The following ADGRL2 variants were observed in gnomAD, a reference collection of about 807,000 sequenced individuals.
ADGRL2 encodes calcium-independent alpha-latrotoxin receptor 2.
ADGRL2 carries 44 observed loss-of-function variants against 157.4 expected under a neutral mutation model. The ratio of observed to expected loss-of-function variants is 0.28; its 90% CI spans 0.22 to 0.36. ADGRL2 has a LOEUF of 0.36. Ranked by LOEUF, ADGRL2 falls within the 10% of genes least tolerant of loss-of-function variation. The probability of loss-of-function intolerance (pLI) is 1.00; values close to 1 mark genes in which losing one functional copy is unlikely to be tolerated. For missense variants in ADGRL2, 1,510 were observed against 1,768.9 expected, an observed-to-expected ratio of 0.85 and a Z score of 2.63; for synonymous variants, 585 against 624.7, an observed-to-expected ratio of 0.94 and a Z score of 0.95.
At position 81,984,515 on chromosome 1, in the gene ADGRL2, C is replaced by G. The variant is rs551706001; in HGVS notation, c.3283-68C>G. ...ATTCTTTTCGGTTGTCTTCACTGTT[C>G]ATTTAATTAGAGAGAGAGAAGCAAG... On this transcript the variant is annotated intron_variant, in intron 19 of 23. Transcript: ENST00000686636. 110 of 1,388,414 alleles carry G rather than the reference C, an allele frequency of 7.9e-5. No homozygotes were observed. In the Middle Eastern group the frequency reaches 9.8e-4, roughly 12 times the overall value. 86.0% of individuals were successfully genotyped at this position (1,388,414 alleles called of 1,614,324 possible).
intron 3 of ADGRL2, among the ~76,000 whole-genome samples, chr1:81,631,876 T>C (rs1291837399): frequency 6.6e-6 from 1 of 152,156 alleles, no homozygotes; most frequent in Non-Finnish European, 1.5e-5. Flanking sequence ...CTGCTAAATT[T>C]GGAACGTTTT....
intron 2 of ADGRL2, among the ~76,000 whole-genome samples, chr1:81,486,290 C>T (rs1016854227): frequency 6.6e-6 from 1 of 152,116 alleles, no homozygotes; most frequent in African/African-American, 2.4e-5. Context: ...ACTATAAGCT[C>T]CTCAAGGTCA....
intron 2 of ADGRL2, among the ~76,000 whole-genome samples, chr1:81,858,216 G>A (rs2093271847): frequency 6.6e-6 from 1 of 152,040 alleles, no homozygotes; most frequent in African/African-American, 2.4e-5. Context: ...TTAGATTAAG[G>A]CTTCATACAT....
At chr1:81,971,956 T>G in intron 17 of ADGRL2, 38 bp downstream of exon 17, 1 of 1,403,932 alleles carries the variant, frequency 7.1e-7, no homozygotes, top group South Asian at 1.2e-5. Context: ...TTTAGCTTGC[T>G]GCTTTAGCAG....
chr1:81,870,927 A>C (rs756636993), intron 2 of ADGRL2, among the ~76,000 whole-genome samples: 1 of 141,726 alleles, frequency 7.1e-6, no homozygotes, highest in African/African-American at 2.6e-5. Context: ...TTTTTTGAAG[A>C]TTTTTTTTTT....
intron 1 of ADGRL2, among the ~76,000 whole-genome samples, chr1:81,350,000 A>G (rs937844568): frequency 6.6e-6 from 1 of 152,102 alleles, no homozygotes; most frequent in Non-Finnish European, 1.5e-5. Context: ...TTCCCAACCC[A>G]TATCAAACTT....
chr1:81,398,904 T>C (rs1271724268), intron 1 of ADGRL2, among the ~76,000 whole-genome samples: 1 of 152,214 alleles, frequency 6.6e-6, no homozygotes, highest in African/African-American at 2.4e-5. Flanking sequence ...TTGAATCTAT[T>C]TGAGGAACTT....
Position 81,990,839 on chromosome 1 carries a change from G to A in ADGRL2, c.4104G>A (p.Glu1368=), listed in dbSNP as rs1052237300. The change falls in exon 24 of 24, where the codon GAG becomes GAA. Residue 1368 remains glutamate (E), a synonymous_variant. Coordinates refer to ENST00000686636, the MANE Select transcript of ADGRL2 (RefSeq NM_001366006.2). ...TDSYVSQLTA[E]AEDHLQSPNR... is the part of the protein sequence containing the mutation. ...GCTATGTCTCCCAACTGACAGCAGA[G>A]GCTGAAGATCACCTACAGTCCCCCA... The A allele has an allele frequency of 1.9e-6, 3 of 1,614,104 alleles. No individual in the cohort carries two copies. In the East Asian group the frequency reaches 6.7e-5, roughly 36 times the overall value.
At chr1:81,950,891 A>G (rs1651560668) in intron 7 of ADGRL2, 127 bp from the exon 8 acceptor site, 3 of 654,820 alleles carry the variant, frequency 4.6e-6, no homozygotes, top group East Asian at 5.2e-5. Context: ...TTTGTCACTT[A>G]TTGTCAAATA....
chr1:81,883,967 T>C (rs112475355), intron 2 of ADGRL2, among the ~76,000 whole-genome samples: 5 of 148,372 alleles, frequency 3.4e-5, no homozygotes, highest in African/African-American at 1.2e-4. Flanking sequence ...TAAGAATAAA[T>C]GTTTCTTTGT....
chr1:81,606,595 C>T (rs987614846), intron 3 of ADGRL2, among the ~76,000 whole-genome samples: 4 of 151,926 alleles, frequency 2.6e-5, no homozygotes, highest in African/African-American at 7.3e-5. Flanking sequence ...TACCAGATAC[C>T]GAAGAATTTG....
chr1:81,549,605 A>G (rs991318095), intron 2 of ADGRL2, among the ~76,000 whole-genome samples: 1 of 152,194 alleles, frequency 6.6e-6, no homozygotes, highest in South Asian at 2.1e-4. Context: ...ATAAATAAGC[A>G]ATCCTCCTGG....
intron 3 of ADGRL2, among the ~76,000 whole-genome samples, chr1:81,651,702 T>G (rs1202553306): frequency 6.6e-6 from 1 of 152,150 alleles, no homozygotes; most frequent in Non-Finnish European, 1.5e-5. Context: ...AACAGAATGC[T>G]CCTGTCAACC....
At chr1:81,948,352 C>G (rs541762609) in intron 6 of ADGRL2, among the ~76,000 whole-genome samples, 2 of 151,438 alleles carry the variant, frequency 1.3e-5, no homozygotes, top group Non-Finnish European at 2.9e-5. Context: ...TCTACCTTGA[C>G]TCGGTTATTA....
chr1:81,404,558 C>A (rs1181467633), intron 1 of ADGRL2, among the ~76,000 whole-genome samples: 2 of 152,188 alleles, frequency 1.3e-5, no homozygotes, highest in Non-Finnish European at 2.9e-5. Context: ...AAACCCAGAA[C>A]TTAAGCTCTC....
At chr1:81,510,060 G>T (rs1252341385) in intron 2 of ADGRL2, among the ~76,000 whole-genome samples, 1 of 152,152 alleles carries the variant, frequency 6.6e-6, no homozygotes, top group Non-Finnish European at 1.5e-5. Context: ...AGGAAAAAAA[G>T]TTTAATGAAT....
At chr1:81,463,045 G>T (rs2077971754) in intron 2 of ADGRL2, among the ~76,000 whole-genome samples, 1 of 149,870 alleles carries the variant, frequency 6.7e-6, no homozygotes, top group South Asian at 2.1e-4. Flanking sequence ...AGCCTAGGAG[G>T]TTGAGGTTGC....
At chr1:81,333,573 G>A (rs535923144) in intron 1 of ADGRL2, among the ~76,000 whole-genome samples, 39 of 151,884 alleles carry the variant, frequency 2.6e-4, no homozygotes, top group African/African-American at 4.6e-4. Context: ...CTGCCACTGC[G>A]CCTGGATAAT....
chr1:81,810,469 G>A (rs887880181), intron 1 of ADGRL2, among the ~76,000 whole-genome samples: 3 of 151,740 alleles, frequency 2.0e-5, no homozygotes, highest in Admixed American at 6.6e-5. Flanking sequence ...CCATTTTATA[G>A]TGTTTGCTAC....
Sources: allele counts gnomAD v4.1 joint callset (sites outside exome capture counted in the v4.1 genomes callset), GRCh38; gene constraint gnomAD v4.1.1; transcripts MANE v1.5; gene names NCBI Gene and HGNC (gene_info 2026-07-23, HGNC 2026-07-21).